The following BSN variants were observed in gnomAD, a reference collection of about 807,000 sequenced individuals.
BSN encodes the protein protein bassoon.
BSN carries 57 observed loss-of-function variants against 264.8 expected under a neutral mutation model. That is an observed-to-expected ratio of 0.22 (90% CI 0.17 to 0.27). The LOEUF is 0.27. Ranked by LOEUF, BSN falls within the 10% of genes least tolerant of loss-of-function variation. BSN has a pLI of 1.00. For missense variants in BSN, 4,615 were observed against 5,232.5 expected (o/e 0.88, Z 3.64); for synonymous variants, 2,059 against 2,137.3 (o/e 0.96, Z 1.01).
At chr3:49,659,190 G>A (rs1198442052) in intron 5 of BSN, among the ~76,000 whole-genome samples, 1 of 152,048 alleles carries the variant, frequency 6.6e-6, no homozygotes, top group Non-Finnish European at 1.5e-5. Flanking sequence ...ATAATCTTGG[G>A]TAGTGAAGTC....
At position 49,567,622 on chromosome 3, in the gene BSN, G is replaced by C. The variant is rs571849234; in HGVS notation, c.224+12796G>C. On this transcript the variant is annotated intron_variant, in intron 1 of 11. Transcript: ENST00000296452. ...ACAGCACATTTCAAGCCTCTGACCTGATGACACATCTGCTAACATTCCTGT... is the reference window on the plus strand; with the variant it reads ...ACAGCACATTTCAAGCCTCTGACCTCATGACACATCTGCTAACATTCCTGT... Among the ~76,000 whole-genome samples, 27 of 152,320 alleles carry C rather than the reference G, an allele frequency of 1.8e-4. No individual in the cohort carries two copies. The South Asian group carries it at 4.4e-3, about 25-fold the overall frequency.
In BSN at chr3:49,618,393, C is replaced by T. The variant is rs2052277796; in HGVS notation, c.225-6582C>T. On this transcript the variant is annotated intron_variant, in intron 1 of 11. Transcript: ENST00000296452. ...AATACCTGCTGCTGTACCTTCCCTT[C>T]CTCTTGCCACACAGACTATCTCCTG... 2.0e-5 allele frequency among the ~76,000 whole-genome samples: 3 copies of T among 152,348 alleles called. No individual in the cohort carries two copies. In the South Asian group the frequency reaches 6.2e-4, roughly 32 times the overall value.
At chr3:49,664,704 C>A (rs1322899656) in intron 9 of BSN, 95 bp from the exon 10 acceptor site, 43 of 1,569,152 alleles carry the variant, frequency 2.7e-5, no homozygotes, top group Non-Finnish European at 3.5e-5. Flanking sequence ...ATCTCTGCCC[C>A]TTGGGCTGAG....
intron 2 of BSN, among the ~76,000 whole-genome samples, chr3:49,639,171 A>G (rs1481438656): frequency 6.6e-6 from 1 of 151,336 alleles, no homozygotes; most frequent in Admixed American, 6.6e-5. Context: ...AACATAGACA[A>G]AGCTGCCTTG....
chr3:49,605,853 ATAAT>A (rs2052129832), intron 1 of BSN, among the ~76,000 whole-genome samples: 1 of 60,572 alleles, frequency 1.7e-5, no homozygotes, highest in Admixed American at 3.0e-4. Flanking sequence ...ATATTTATAT[ATAAT>A]ATATTTATAT....
chr3:49,642,503 C>T lies in BSN; in HGVS notation c.869C>T (p.Pro290Leu). The change falls in exon 3 of 12, where the codon CCT becomes CTT. Residue 290 changes from proline (P) to leucine (L), a missense_variant. Transcript: ENST00000296452. This position sits in a 1 kb window ranked among gnomAD's most constrained non-coding sequence, Gnocchi z 7.0. Reference sequence around the variant, plus strand: ...GCCAGGGCCACCTCAGTGCCGGGGCCTGCCCAAGCAGCTGCCCCTCCAGAG... The same window carrying T: ...GCCAGGGCCACCTCAGTGCCGGGGCTTGCCCAAGCAGCTGCCCCTCCAGAG... ...ETARATSVPG[P>L]AQAAAPPEVG... is the part of the protein sequence containing the mutation. The T allele has an allele frequency of 4.5e-6, 7 of 1,569,122 alleles. No homozygotes were observed. Among genetic ancestry groups the T allele is most frequent in the Non-Finnish European group, 4.3e-6 (5 of 1,158,122 alleles).
chr3:49,619,914 G>T (rs924861995), intron 1 of BSN, among the ~76,000 whole-genome samples: 1 of 152,160 alleles, frequency 6.6e-6, no homozygotes. Context: ...TCCAGTTTGT[G>T]CCAGGCACTG....
intron 8 of BSN, 112 bp downstream of exon 8, chr3:49,663,998 G>A (rs2052689857): frequency 9.4e-7 from 1 of 1,067,742 alleles, no homozygotes; most frequent in Non-Finnish European, 1.4e-6. Flanking sequence ...ACTAATCCCT[G>A]AGAAGGTGCC....
chr3:49,654,555 G>A lies in BSN; in HGVS notation c.4999G>A (p.Asp1667Asn). ...CAGGACCCCTGGCACTGCAGTGGTA[G>A]ACCTCCGTACAGCTGTCAAGCCCAC... ...GPRTPGTAVV[D>N]LRTAVKPTPI... The change falls in exon 5 of 12, where the codon GAC becomes AAC. Residue 1667 changes from aspartate to asparagine, a missense_variant. By Grantham distance (23) the Asp-to-Asn change is conservative (BLOSUM62 1). Around this residue, in one of 3 missense-constraint regions of BSN, gnomAD observed 3,415 missense variants for 3,866.4 expected, o/e 0.88. Coordinates refer to ENST00000296452, the MANE Select transcript of BSN (RefSeq NM_003458.4). The surrounding 1 kb of genome is among the most constrained non-coding windows in gnomAD (Gnocchi z 4.1). 6.2e-7 allele frequency: 1 copy of A among 1,610,686 alleles called. No homozygotes were observed. The highest frequency in any genetic ancestry group is 8.5e-7 in the Non-Finnish European group (1 of 1,178,202).
At chr3:49,564,322 C>T (rs1380180059) in intron 1 of BSN, among the ~76,000 whole-genome samples, 5 of 152,172 alleles carry the variant, frequency 3.3e-5, no homozygotes, top group Admixed American at 6.5e-5. Context: ...CATCTTCACA[C>T]GAAGTCTGGG....
chr3:49,575,115 G>A (rs2108010693), intron 1 of BSN, among the ~76,000 whole-genome samples: 1 of 152,196 alleles, frequency 6.6e-6, no homozygotes. Flanking sequence ...GGGATGCCAA[G>A]GCGGGCAGAT....
intron 1 of BSN, among the ~76,000 whole-genome samples, chr3:49,614,691 C>T (rs1045334119): frequency 1.6e-4 from 24 of 152,194 alleles, no homozygotes; most frequent in African/African-American, 5.5e-4. Context: ...GACAATCTTT[C>T]CCATGAATCC....
rs2052743407 is a variant in BSN at position 49,669,933 on chromosome 3, G to A, written c.*2448G>A. ...GGCAGTACCTGCCTGACCCTTCAAG[G>A]CCTGACCTTCGTCCAGAGTGCTCTG... On this transcript the variant is annotated 3_prime_UTR_variant, in exon 12 of 12. Transcript: ENST00000296452. The A allele has an allele frequency of 6.6e-6, 1 of 152,636 alleles. No homozygotes were observed. The highest frequency in any genetic ancestry group is 1.5e-5 in the Non-Finnish European group (1 of 68,040). 9.5% of individuals were successfully genotyped at this position (152,636 alleles called of 1,614,324 possible).
At chr3:49,581,854 A>C (rs2051897743) in intron 1 of BSN, among the ~76,000 whole-genome samples, 2 of 152,102 alleles carry the variant, frequency 1.3e-5, no homozygotes, top group Admixed American at 6.5e-5. Context: ...AACAAAAAAA[A>C]ACAAACTTTG....
In BSN at chr3:49,594,024, G is replaced by A. The variant is rs527903210; in HGVS notation, c.225-30951G>A. 2.6e-5 allele frequency among the ~76,000 whole-genome samples: 4 copies of A among 151,918 alleles called. 1 individual carries two copies. In the Middle Eastern group the frequency reaches 0.01, roughly 388 times the overall value. The stretch of plus-strand genomic sequence containing the variant: ...TCACCGTGTTAGCCAGGATGGTCTC[G>A]ATCTCCTGATCTGGCGATTGGCCTC... On this transcript the variant is annotated intron_variant, in intron 1 of 11. Coordinates refer to ENST00000296452, the MANE Select transcript of BSN (RefSeq NM_003458.4).
At position 49,606,178 on chromosome 3, in the gene BSN, TG is replaced by T. The variant is rs2052140929; in HGVS notation, c.225-18796del. ...ATATTATATATACATATATTATATA[TG>T]TATATATATTATATATACATATATT... On this transcript the variant is annotated intron_variant, in intron 1 of 11. Coordinates refer to ENST00000296452, the MANE Select transcript of BSN (RefSeq NM_003458.4). Among the ~76,000 whole-genome samples the T allele has an allele frequency of 1.4e-4, 3 of 21,402 alleles. 1 individual carries two copies. The highest frequency in any genetic ancestry group is 1.6e-4 in the Non-Finnish European group (2 of 12,700). 14.0% of individuals were successfully genotyped at this position (21,402 alleles called of 152,430 possible).
intron 2 of BSN, among the ~76,000 whole-genome samples, chr3:49,633,982 G>A (rs562206645): frequency 1.4e-4 from 22 of 152,180 alleles, no homozygotes; most frequent in Non-Finnish European, 5.9e-5. Context: ...CGAGGCAGGC[G>A]GATCACAAGG....
chr3:49,591,779 G>A (rs2051979625), intron 1 of BSN, among the ~76,000 whole-genome samples: 1 of 152,002 alleles, frequency 6.6e-6, no homozygotes, highest in South Asian at 2.1e-4. Context: ...TGTAGAGATG[G>A]GGTTTTGGCA....
intron 3 of BSN, among the ~76,000 whole-genome samples, chr3:49,648,768 A>G (rs140702786): frequency 3.9e-5 from 6 of 152,248 alleles, no homozygotes; most frequent in Non-Finnish European, 8.8e-5. Flanking sequence ...AGCATCAGAT[A>G]AGGTTCAAGG....
Sources: allele counts gnomAD v4.1 joint callset (sites outside exome capture counted in the v4.1 genomes callset), GRCh38; gene constraint gnomAD v4.1.1; regional missense constraint gnomAD v4.1.1; non-coding constraint Gnocchi (gnomAD v3.1); transcripts MANE v1.5; gene names NCBI Gene and HGNC (gene_info 2026-07-23, HGNC 2026-07-21).